Variants in IL1RAPL1 observed in about 807,000 individuals in gnomAD.
The protein encoded by IL1RAPL1 is interleukin 1 receptor accessory protein like 1.
IL1RAPL1 carries 3 observed loss-of-function variants against 48.4 expected under a neutral mutation model. The ratio of observed to expected loss-of-function variants is 0.06; its 90% CI spans 0.03 to 0.16. The LOEUF is 0.16. Ranked by LOEUF, IL1RAPL1 falls within the 10% of genes least tolerant of loss-of-function variation. The pLI, the probability that IL1RAPL1 is intolerant of heterozygous loss-of-function variation, is 1.00. For missense variants in IL1RAPL1, 349 were observed against 530.6 expected, an observed-to-expected ratio of 0.66 and a Z score of 3.36; for synonymous variants, 185 against 187.7, an observed-to-expected ratio of 0.99 and a Z score of 0.12.
At chrX:29,206,025 G>A (rs1308410146) in intron 2 of IL1RAPL1, among the ~76,000 whole-genome samples, 1 of 111,198 alleles carries the variant, frequency 9.0e-6, no homozygotes, top group Non-Finnish European at 1.9e-5. Context: ...TTATAGGCGT[G>A]AGCCACTGCG....
At chrX:29,295,651 A>C (rs1010779194) in intron 3 of IL1RAPL1, among the ~76,000 whole-genome samples, 1 of 111,443 alleles carries the variant, frequency 9.0e-6, no homozygotes, top group East Asian at 2.8e-4. Context: ...AATATATCCA[A>C]ATTTCAGAGC....
intron 2 of IL1RAPL1, among the ~76,000 whole-genome samples, chrX:29,081,765 G>A (rs190004883): frequency 2.9e-4 from 32 of 110,320 alleles, no homozygotes; most frequent in African/African-American, 1.1e-3. Flanking sequence ...CTGGTTTTCA[G>A]TTATTTAGCT....
At position 29,476,908 on chromosome X, in the gene IL1RAPL1, C is replaced by G. The variant is rs568293104; in HGVS notation, c.703+77600C>G. On this transcript the variant is annotated intron_variant, in intron 5 of 10. Transcript: ENST00000378993. Reference sequence around the variant, plus strand: ...TTTTTTTTTGAGACGGAGTCTCGCTCTGTCGCCCAGGCCGGACTGCGGACT... The same window carrying G: ...TTTTTTTTTGAGACGGAGTCTCGCTGTGTCGCCCAGGCCGGACTGCGGACT... 2.5e-4 allele frequency among the ~76,000 whole-genome samples: 11 copies of G among 44,680 alleles called. No homozygotes were observed. In the South Asian group the frequency reaches 0.016, roughly 63 times the overall value. 38.8% of individuals were successfully genotyped at this position (44,680 alleles called of 115,157 possible). A position where few individuals can be genotyped will look rare whatever the true frequency, so the allele number is the denominator to read the frequency against.
intron 1 of IL1RAPL1, among the ~76,000 whole-genome samples, chrX:28,643,651 TA>T (rs1191934657): frequency 1.8e-5 from 2 of 110,859 alleles, no homozygotes; most frequent in East Asian, 5.7e-4. Flanking sequence ...AAAACTTAAT[TA>T]AAAGTAGCTA....
intron 5 of IL1RAPL1, among the ~76,000 whole-genome samples, chrX:29,656,458 A>G (rs1925683725): frequency 9.1e-6 from 1 of 109,928 alleles, no homozygotes; most frequent in African/African-American, 3.3e-5. Flanking sequence ...CCATTATGTC[A>G]TTCTTATGCA....
At chrX:29,025,648 T>C (rs1223183597) in intron 2 of IL1RAPL1, among the ~76,000 whole-genome samples, 1 of 112,035 alleles carries the variant, frequency 8.9e-6, no homozygotes, top group Non-Finnish European at 1.9e-5. Flanking sequence ...CACATTGGAA[T>C]AAATTATTAC....
At chrX:29,486,487 A>G (rs1187670820) in intron 5 of IL1RAPL1, among the ~76,000 whole-genome samples, 1 of 109,612 alleles carries the variant, frequency 9.1e-6, no homozygotes, top group Non-Finnish European at 1.9e-5. Context: ...GCATGACACT[A>G]TGTCTCTTTC....
rs750637119 is a variant in IL1RAPL1, at chrX:29,519,793, C to T, written c.703+120485C>T. ...ATGGTAAAATGAACATTGGTGGCCTCCCTGTCCCCCAGTGGAATTCCAAGG... is the reference window on the plus strand; with the variant it reads ...ATGGTAAAATGAACATTGGTGGCCTTCCTGTCCCCCAGTGGAATTCCAAGG... On this transcript the variant is annotated intron_variant, in intron 5 of 10. Coordinates refer to ENST00000378993, the MANE Select transcript of IL1RAPL1 (RefSeq NM_014271.4). Among the ~76,000 whole-genome samples the T allele has an allele frequency of 1.1e-4, 12 of 111,508 alleles. No homozygotes were observed. The South Asian group carries it at 4.6e-3, about 42-fold the overall frequency.
chrX:29,775,885 C>T (rs759791038), intron 6 of IL1RAPL1, among the ~76,000 whole-genome samples: 1 of 111,384 alleles, frequency 9.0e-6, no homozygotes, highest in Non-Finnish European at 1.9e-5. Flanking sequence ...CTCCTAGTTA[C>T]AAAGCCAAGG....
intron 6 of IL1RAPL1, among the ~76,000 whole-genome samples, chrX:29,885,540 G>GGCGC (rs1932139606): frequency 9.0e-6 from 1 of 110,629 alleles, no homozygotes; most frequent in Non-Finnish European, 1.9e-5. Flanking sequence ...GACGGGCATG[G>GGCGC]TGGCTCATGC....
intron 6 of IL1RAPL1, among the ~76,000 whole-genome samples, chrX:29,736,143 G>T (rs1324691811): frequency 8.9e-6 from 1 of 112,339 alleles, no homozygotes; most frequent in Non-Finnish European, 1.9e-5. Flanking sequence ...TAAAGGTTAT[G>T]CAAGATAACC....
rs139119429 is a variant in IL1RAPL1, at chrX:28,886,911, G to A, written c.82+97486G>A. 7.0e-3 allele frequency among the ~76,000 whole-genome samples: 783 copies of A among 111,460 alleles called. 7 individuals are homozygous for A. Among genetic ancestry groups the A allele is most frequent in the African/African-American group, 0.024 (747 of 30,679 alleles). On this transcript the variant is annotated intron_variant, in intron 2 of 10. Transcript: ENST00000378993. ...CTGTTATTTGAATAACAAAGCTCAT[G>A]GGACAAGGAAATGATGCCAAACTAT...
intron 5 of IL1RAPL1, among the ~76,000 whole-genome samples, chrX:29,615,954 C>T (rs1924273012): frequency 9.0e-6 from 1 of 111,295 alleles, no homozygotes; most frequent in South Asian, 3.8e-4. Flanking sequence ...CACTTGATCT[C>T]ACTGCTAGAT....
At chrX:29,779,950 T>G (rs1289439218) in intron 6 of IL1RAPL1, among the ~76,000 whole-genome samples, 4 of 111,578 alleles carry the variant, frequency 3.6e-5, no homozygotes, top group Non-Finnish European at 5.7e-5. Context: ...GTTTAGTTCC[T>G]AGGAGAAAGT....
chrX:29,568,031 A>T (rs906792374), intron 5 of IL1RAPL1, among the ~76,000 whole-genome samples: 49 of 109,968 alleles, frequency 4.5e-4, no homozygotes, highest in Non-Finnish European at 8.0e-4. Flanking sequence ...AAGGAAATAT[A>T]TTATATTGTA....
rs1569174019 is a variant in IL1RAPL1, at chrX:29,803,256, CACATGTAT to C, written c.779-114206_779-114199del. Among the ~76,000 whole-genome samples, 139 of 33,598 alleles carry C rather than the reference CACATGTAT, an allele frequency of 4.1e-3. 11 individuals are homozygous for C. Among genetic ancestry groups the C allele is most frequent in the Non-Finnish European group, 7.2e-3 (129 of 17,800 alleles). The allele number at this position is 33,598 out of a possible 115,157, so 29.2% of individuals were successfully genotyped here. A position where few individuals can be genotyped will look rare whatever the true frequency, so the allele number is the denominator to read the frequency against. On this transcript the variant is annotated intron_variant, in intron 6 of 10. Coordinates refer to ENST00000378993, the MANE Select transcript of IL1RAPL1 (RefSeq NM_014271.4). The stretch of plus-strand genomic sequence containing the variant: ...ACATGTATATATGTATACATATACA[CACATGTAT>C]ATATGTATACATATACACACATGTA...
intron 2 of IL1RAPL1, among the ~76,000 whole-genome samples, chrX:29,053,084 G>T (rs149435063): frequency 2.8e-4 from 31 of 110,909 alleles, no homozygotes; most frequent in African/African-American, 9.8e-4. Flanking sequence ...TGTGCTCATG[G>T]GTTCTCATCA....
intron 1 of IL1RAPL1, among the ~76,000 whole-genome samples, chrX:28,698,005 A>C (rs1935253850): frequency 9.0e-6 from 1 of 111,441 alleles, no homozygotes; most frequent in Admixed American, 9.7e-5. Flanking sequence ...CTCAAACATG[A>C]CAGCAGCTGT....
chrX:29,631,046 C>G (rs6630924), intron 5 of IL1RAPL1, among the ~76,000 whole-genome samples: 45,760 of 110,053 alleles, frequency 0.42, 7,562 homozygotes, highest in African/African-American at 0.62. Context: ...TATTCCTGTT[C>G]TAAGAATCTG....
Sources: gnomAD v4.1 joint callset for allele counts (sites outside exome capture counted in the v4.1 genomes callset) on GRCh38, gnomAD v4.1.1 for gene constraint, MANE v1.5 for transcripts, NCBI Gene and HGNC (gene_info 2026-07-23, HGNC 2026-07-21) for gene names.